Variants in TIAM2 observed in about 807,000 individuals in gnomAD.
TIAM2 encodes the protein rho guanine nucleotide exchange factor TIAM2.
In TIAM2, 80 loss-of-function variants were observed where a neutral mutation model predicts 152.9. The ratio of observed to expected loss-of-function variants is 0.52; its 90% CI spans 0.44 to 0.63. TIAM2 has a LOEUF of 0.63. Ranked by LOEUF, TIAM2 falls within the 30% of genes least tolerant of loss-of-function variation. The probability of loss-of-function intolerance (pLI) is 0.00; values close to 1 mark genes in which losing one functional copy is unlikely to be tolerated. For synonymous variants in TIAM2, 804 were observed against 838.0 expected, an observed-to-expected ratio of 0.96 and a Z score of 0.70; for missense variants, 1,965 against 2,120.1, an observed-to-expected ratio of 0.93 and a Z score of 1.44.
chr6:155,111,682 C>T (rs954602256), intron 2 of TIAM2, among the ~76,000 whole-genome samples: 1 of 152,282 alleles, frequency 6.6e-6, no homozygotes, highest in East Asian at 1.9e-4. Context: ...CTCCCTTTGA[C>T]CCATTCTAGG....
At chr6:155,104,050 C>CACA (rs1277534566) in intron 2 of TIAM2, among the ~76,000 whole-genome samples, 84 of 87,572 alleles carry the variant, frequency 9.6e-4, no homozygotes, top group African/African-American at 4.4e-3. Flanking sequence ...ACCCCCCCCC[C>CACA]CACACCCCCA....
intron 1 of TIAM2, among the ~76,000 whole-genome samples, chr6:155,079,862 C>T (rs971291854): frequency 3.9e-5 from 6 of 152,142 alleles, no homozygotes; most frequent in East Asian, 1.9e-4. Flanking sequence ...GTAGGAGAAT[C>T]GCTTGAAACT....
chr6:155,179,100 T>C lies in TIAM2; in HGVS notation c.2585T>C (p.Val862Ala), dbSNP rs767504149. 4 of 1,614,058 alleles carry C rather than the reference T, an allele frequency of 2.5e-6. No individual in the cohort carries two copies. In the Admixed American group the frequency reaches 5.0e-5, roughly 20 times the overall value. ...LQLRKLVDDNVEYCIPAPYEY... is the reference protein window; with the variant it reads ...LQLRKLVDDNAEYCIPAPYEY... ...CTTCGAAAATTAGTAGATGACAATG[T>C]TGAGTATTGCATCCCTGCACCATAT... The change falls in exon 11 of 27, where the codon GTT (valine) becomes GCT (alanine). Residue 862 changes from valine to alanine, a missense_variant. Coordinates refer to ENST00000682666, the MANE Select transcript of TIAM2 (RefSeq NM_012454.4).
At chr6:155,225,788 T>C (rs1288088043) in intron 15 of TIAM2, among the ~76,000 whole-genome samples, 1 of 152,220 alleles carries the variant, frequency 6.6e-6, no homozygotes, top group Admixed American at 6.5e-5. Context: ...TAAATAAAGA[T>C]AGGTATTGTT....
intron 6 of TIAM2, among the ~76,000 whole-genome samples, chr6:155,147,046 T>G (rs1178261306): frequency 6.6e-6 from 1 of 152,122 alleles, no homozygotes; most frequent in African/African-American, 2.4e-5. Flanking sequence ...AAACTATTTT[T>G]CTTTTATACA....
chr6:155,004,135 G>A (rs549164297), intron 1 of TIAM2, among the ~76,000 whole-genome samples: 3 of 151,978 alleles, frequency 2.0e-5, no homozygotes, highest in East Asian at 3.9e-4. Context: ...CTCGGCCTCC[G>A]AAAGTACTGG....
chr6:155,004,422 G>A (rs1445509482), intron 1 of TIAM2, among the ~76,000 whole-genome samples: 1 of 152,068 alleles, frequency 6.6e-6, no homozygotes. Context: ...ATGGAGTCTT[G>A]CTCTGTCACC....
At chr6:155,209,330 C>CT (rs1451839209) in intron 14 of TIAM2, among the ~76,000 whole-genome samples, 2 of 152,268 alleles carry the variant, frequency 1.3e-5, no homozygotes, top group East Asian at 1.9e-4. Flanking sequence ...GGGAGATACA[C>CT]TTAGGCTGGA....
rs200880796 is a variant in TIAM2 at position 155,011,044 on chromosome 6, CA to C, written c.-209+15566del. 8.3e-4 allele frequency among the ~76,000 whole-genome samples: 117 copies of C among 140,716 alleles called. 1 individual carries two copies. The highest frequency in any genetic ancestry group is 3.6e-3 in the Middle Eastern group (1 of 280). 92.3% of individuals were successfully genotyped at this position (140,716 alleles called of 152,430 possible). On this transcript the variant is annotated intron_variant, in intron 1 of 26. Transcript: ENST00000682666. ...TGGTGACAAGAGTGAAACTCTGTCT[CA>C]AAAAAAAAAAAAATTAAATTTAGGA...
At chr6:155,215,083 C>G (rs1016289514) in intron 15 of TIAM2, among the ~76,000 whole-genome samples, 1 of 152,178 alleles carries the variant, frequency 6.6e-6, no homozygotes, top group African/African-American at 2.4e-5. Context: ...TGAGGGATAA[C>G]GACTTCTCGT....
chr6:155,066,310 A>G (rs181772204), intron 1 of TIAM2, among the ~76,000 whole-genome samples: 24 of 152,238 alleles, frequency 1.6e-4, no homozygotes, highest in African/African-American at 5.5e-4. Context: ...AATTTTGCTC[A>G]TCTCTGTCAG....
chr6:155,009,221 C>T (rs1778447723), intron 1 of TIAM2, among the ~76,000 whole-genome samples: 1 of 150,194 alleles, frequency 6.7e-6, no homozygotes, highest in Non-Finnish European at 1.5e-5. Context: ...TGCACCTCAG[C>T]CTTCTGAGTA....
intron 1 of TIAM2, among the ~76,000 whole-genome samples, chr6:155,033,623 G>T (rs1190328794): frequency 6.6e-6 from 1 of 152,042 alleles, no homozygotes; most frequent in Non-Finnish European, 1.5e-5. Flanking sequence ...TTCACACGCA[G>T]TGTCTTCTTC....
chr6:155,045,840 C>CTTTTTTTTTTTT (rs11354850), intron 1 of TIAM2, among the ~76,000 whole-genome samples: 16 of 60,486 alleles, frequency 2.6e-4, no homozygotes, highest in Admixed American at 3.8e-4. Flanking sequence ...ATAGTGCCCT[C>CTTTTTTTTTTTT]TTTTTTTTTT....
chr6:155,050,651 A>T (rs1424141365), intron 1 of TIAM2, among the ~76,000 whole-genome samples: 2 of 152,192 alleles, frequency 1.3e-5, no homozygotes, highest in African/African-American at 4.8e-5. Context: ...CAGTGACCTA[A>T]GAAGCTTCGT....
At chr6:155,114,036 A>ATATATATTTTTTT in intron 2 of TIAM2, among the ~76,000 whole-genome samples, 14 of 34,906 alleles carry the variant, frequency 4.0e-4, no homozygotes, top group Admixed American at 1.3e-3. Flanking sequence ...ATATATATAT[A>ATATATATTTTTTT]TTTTTTTTTT....
At chr6:155,243,922 G>T in intron 16 of TIAM2, 89 bp from the exon 17 acceptor site, 1 of 910,688 alleles carries the variant, frequency 1.1e-6, no homozygotes, top group Admixed American at 1.8e-5. Flanking sequence ...TGGGAGCCTT[G>T]GGAGCTGCTG....
intron 15 of TIAM2, among the ~76,000 whole-genome samples, chr6:155,221,943 CTTATTTAT>C (rs149311355): frequency 1.3e-5 from 2 of 151,734 alleles, no homozygotes; most frequent in African/African-American, 4.8e-5. Flanking sequence ...TATTCTTCTT[CTTATTTAT>C]TTATTTATTT....
At chr6:155,168,982 G>GA in intron 9 of TIAM2, 1 of 1,340,212 alleles carries the variant, frequency 7.5e-7, no homozygotes, top group Non-Finnish European at 1.0e-6. Flanking sequence ...AACTTTTTCT[G>GA]TTTTTTTTTG....
Sources: gnomAD v4.1 joint callset for allele counts (sites outside exome capture counted in the v4.1 genomes callset) on GRCh38, gnomAD v4.1.1 for gene constraint, MANE v1.5 for transcripts, NCBI Gene and HGNC (gene_info 2026-07-23, HGNC 2026-07-21) for gene names.